Variants in DOCK3 observed in about 807,000 individuals in gnomAD.
DOCK3 encodes the protein dedicator of cytokinesis 3.
In DOCK3, 60 loss-of-function variants were observed where a neutral mutation model predicts 265.6. The ratio of observed to expected loss-of-function variants is 0.23; its 90% CI spans 0.18 to 0.28. The LOEUF is 0.28. Among genes scored for constraint, DOCK3 ranks in the 10% least tolerant of loss-of-function variants. The probability of loss-of-function intolerance (pLI) is 1.00; values close to 1 mark genes in which losing one functional copy is unlikely to be tolerated. For synonymous variants in DOCK3, 881 were observed against 938.0 expected (o/e 0.94, Z 1.11); for missense variants, 1,981 against 2,594.3 (o/e 0.76, Z 5.14).
At chr3:51,026,784 G>C (rs2108918751) in intron 5 of DOCK3, among the ~76,000 whole-genome samples, 1 of 152,130 alleles carries the variant, frequency 6.6e-6, no homozygotes, top group Non-Finnish European at 1.5e-5. Context: ...GATTTTTGCA[G>C]TTATCTCTGG....
At chr3:51,056,705 G>A (rs1249130775) in intron 5 of DOCK3, among the ~76,000 whole-genome samples, 1 of 152,020 alleles carries the variant, frequency 6.6e-6, no homozygotes, top group Non-Finnish European at 1.5e-5. Context: ...TAGTAGTAAT[G>A]AAAAAAGAAT....
At chr3:50,815,013 T>C (rs1037780020) in intron 2 of DOCK3, among the ~76,000 whole-genome samples, 10 of 151,990 alleles carry the variant, frequency 6.6e-5, no homozygotes, top group Non-Finnish European at 1.3e-4. Flanking sequence ...TTAGTGGAGA[T>C]GGGGTTTCAC....
In DOCK3 at chr3:51,090,246, C is replaced by T. The variant is rs1186443562; in HGVS notation, c.608C>T (p.Pro203Leu). ...QSTSQVDTMR[P>L]RHGETCRMPV... is the part of the protein sequence containing the mutation. ...CCTCATTAGGTAGATACAATGCGCC[C>T]ACGTCATGGGGAAACATGTCGGATG... The change falls in exon 9 of 53, where the codon CCA becomes CTA. Residue 203 changes from proline (P) to leucine (L), a missense_variant. Pro to Leu is a moderately conservative substitution (Grantham distance 98). Around this residue, in one of 4 missense-constraint regions of DOCK3, gnomAD observed 456 missense variants for 539.0 expected, o/e 0.85. Transcript: ENST00000266037. The T allele has an allele frequency of 1.9e-6, 3 of 1,590,836 alleles. No homozygotes were observed. In the African/African-American group the frequency reaches 4.0e-5, roughly 21 times the overall value.
At chr3:51,365,442 T>G (rs574421634) in intron 49 of DOCK3, among the ~76,000 whole-genome samples, 76 of 152,312 alleles carry the variant, frequency 5.0e-4, no homozygotes, top group Admixed American at 3.9e-4. Context: ...ACAGGGACAA[T>G]TTGACTTCCT....
intron 2 of DOCK3, among the ~76,000 whole-genome samples, chr3:50,816,908 C>T (rs1187447990): frequency 6.6e-6 from 1 of 152,046 alleles, no homozygotes; most frequent in Non-Finnish European, 1.5e-5. Context: ...GGTCCCAATC[C>T]AGACCCCAAG....
intron 1 of DOCK3, among the ~76,000 whole-genome samples, chr3:50,755,154 G>GTCAT (rs1359913868): frequency 6.6e-5 from 10 of 152,182 alleles, no homozygotes; most frequent in African/African-American, 2.2e-4. Flanking sequence ...ACTTGAGCAA[G>GTCAT]TCATTATATT....
intron 40 of DOCK3, among the ~76,000 whole-genome samples, chr3:51,353,620 CA>C (rs377520601): frequency 3.6e-4 from 54 of 151,826 alleles, no homozygotes; most frequent in African/African-American, 1.3e-3. Flanking sequence ...CTCAAAAAAA[CA>C]AAAAAACAAT....
Position 51,382,867 on chromosome 3 carries a change from A to G in DOCK3, c.*1308A>G, listed in dbSNP as rs1311574035. On this transcript the variant is annotated 3_prime_UTR_variant, in exon 53 of 53. Coordinates refer to ENST00000266037, the MANE Select transcript of DOCK3 (RefSeq NM_004947.5). ...GAAACTCATTCAAGTCAGGGCACTG[A>G]TTTTCCTCTCAGTTTATTATTTGGG... 4 of 152,180 alleles carry G rather than the reference A, an allele frequency of 2.6e-5. No individual in the cohort carries two copies. The highest frequency in any genetic ancestry group is 9.7e-5 in the African/African-American group (4 of 41,326). 9.4% of individuals were successfully genotyped at this position (152,180 alleles called of 1,614,324 possible).
chr3:51,137,921 G>A (rs2084878682), intron 9 of DOCK3, among the ~76,000 whole-genome samples: 15 of 152,176 alleles, frequency 9.9e-5, no homozygotes. Context: ...AATCTCATGA[G>A]TAAATTTGAC....
intron 9 of DOCK3, among the ~76,000 whole-genome samples, chr3:51,144,015 G>A (rs2085184667): frequency 6.6e-6 from 1 of 152,154 alleles, no homozygotes; most frequent in African/African-American, 2.4e-5. Context: ...ATTCGAGCCT[G>A]TGATACATTC....
intron 1 of DOCK3, among the ~76,000 whole-genome samples, chr3:50,686,289 A>T (rs565845298): frequency 1.3e-5 from 2 of 152,168 alleles, no homozygotes; most frequent in Admixed American, 1.3e-4. Context: ...CAAAAATAGG[A>T]TGTTGGAAAT....
intron 9 of DOCK3, among the ~76,000 whole-genome samples, chr3:51,098,012 T>C (rs1388215469): frequency 6.6e-6 from 1 of 152,298 alleles, no homozygotes; most frequent in Admixed American, 6.5e-5. Flanking sequence ...ATCTGCCTTC[T>C]GCGTTGATCT....
At chr3:51,018,235 T>A (rs1352888669) in intron 5 of DOCK3, among the ~76,000 whole-genome samples, 1 of 151,818 alleles carries the variant, frequency 6.6e-6, no homozygotes, top group East Asian at 1.9e-4. Context: ...TTTGTCAGCC[T>A]TTTTCATTTG....
chr3:51,379,697 C>T (rs1388831273), intron 51 of DOCK3: 1 of 909,860 alleles, frequency 1.1e-6, no homozygotes, highest in African/African-American at 1.8e-5. Flanking sequence ...AAAGCCAAAA[C>T]ACCCCCACCA....
chr3:50,793,940 C>G (rs1322021180), intron 2 of DOCK3, among the ~76,000 whole-genome samples: 1 of 152,058 alleles, frequency 6.6e-6, no homozygotes, highest in African/African-American at 2.4e-5. Flanking sequence ...TATTTTTGTT[C>G]TCATTAGTTT....
chr3:51,264,629 C>G (rs1035825292), intron 23 of DOCK3, among the ~76,000 whole-genome samples: 11 of 151,832 alleles, frequency 7.2e-5, no homozygotes, highest in African/African-American at 2.7e-4. Context: ...AGATCAAGAC[C>G]ATCCTGGCCA....
chr3:50,693,530 C>CTTTT (rs35261130), intron 1 of DOCK3, among the ~76,000 whole-genome samples: 7 of 64,246 alleles, frequency 1.1e-4, no homozygotes, highest in African/African-American at 1.2e-4. Context: ...ATTTCCTTTC[C>CTTTT]TTTTTTTTTT....
Position 50,788,924 on chromosome 3 carries a change from GT to G in DOCK3, c.121+10171del, listed in dbSNP as rs2042327532. Among the ~76,000 whole-genome samples, 5 of 152,288 alleles carry G rather than the reference GT, an allele frequency of 3.3e-5. No individual in the cohort carries two copies. The South Asian group carries it at 1.0e-3, about 32-fold the overall frequency. ...CTTTATTATCTTTTCAAAGAACGAG[GT>G]TTTTGTTTCATTTATCTTTTGTATT... On this transcript the variant is annotated intron_variant, in intron 2 of 52. Coordinates refer to ENST00000266037, the MANE Select transcript of DOCK3 (RefSeq NM_004947.5).
chr3:51,101,283 G>A (rs1317698516), intron 9 of DOCK3, among the ~76,000 whole-genome samples: 1 of 151,920 alleles, frequency 6.6e-6, no homozygotes, highest in African/African-American at 2.4e-5. Flanking sequence ...ACCGCGCCCG[G>A]CTAATTTTTT....
Sources: gnomAD v4.1 joint callset for allele counts (sites outside exome capture counted in the v4.1 genomes callset) on GRCh38, gnomAD v4.1.1 for gene constraint, gnomAD v4.1.1 regional missense constraint, MANE v1.5 for transcripts, NCBI Gene and HGNC (gene_info 2026-07-23, HGNC 2026-07-21) for gene names.